TEAD1: variants seen among roughly 807,000 people sequenced by gnomAD.
TEAD1 encodes TEA domain transcription factor 1.
Under a neutral mutation model 54.9 loss-of-function variants are expected in TEAD1, and 9 were observed. That is an observed-to-expected ratio of 0.16 (90% CI 0.10 to 0.29). TEAD1 has a LOEUF of 0.29. Among genes scored for constraint, TEAD1 ranks in the 10% least tolerant of loss-of-function variants. TEAD1 has a pLI of 1.00. For synonymous variants in TEAD1, 200 were observed against 187.8 expected, an observed-to-expected ratio of 1.07 and a Z score of -0.53; for missense variants, 387 against 535.9, an observed-to-expected ratio of 0.72 and a Z score of 2.74.
intron 5 of TEAD1, among the ~76,000 whole-genome samples, chr11:12,870,396 G>A (rs1947719512): frequency 6.6e-6 from 1 of 151,992 alleles, no homozygotes; most frequent in Admixed American, 6.6e-5. Flanking sequence ...AGTGAACCAG[G>A]AGCAGAGAAG....
chr11:12,874,776 T>G (rs918306666), intron 5 of TEAD1, among the ~76,000 whole-genome samples: 7 of 152,166 alleles, frequency 4.6e-5, no homozygotes, highest in African/African-American at 1.7e-4. Flanking sequence ...TAGTTCCTGC[T>G]CCATGAGTGT....
chr11:12,842,007 T>A (rs1274735056), intron 3 of TEAD1, among the ~76,000 whole-genome samples: 1 of 152,202 alleles, frequency 6.6e-6, no homozygotes, highest in East Asian at 1.9e-4. Flanking sequence ...TTTCCTCATG[T>A]GCCGAATTCT....
intron 9 of TEAD1, among the ~76,000 whole-genome samples, chr11:12,884,097 A>G (rs1052422775): frequency 6.6e-6 from 1 of 151,294 alleles, no homozygotes; most frequent in Non-Finnish European, 1.5e-5. Flanking sequence ...TGGCATCTGG[A>G]CTCTATTTGT....
intron 4 of TEAD1, 95 bp from the exon 5 acceptor site, chr11:12,864,743 A>G (rs1220250234): frequency 1.9e-6 from 3 of 1,610,892 alleles, no homozygotes; most frequent in East Asian, 2.2e-5. Flanking sequence ...TCAAGCCGCC[A>G]TTAAGGTACG....
At chr11:12,896,915 T>G (rs1206561997) in intron 9 of TEAD1, among the ~76,000 whole-genome samples, 2 of 152,212 alleles carry the variant, frequency 1.3e-5, no homozygotes, top group African/African-American at 4.8e-5. Context: ...TATTAAAATC[T>G]GTAAAACAGG....
chr11:12,926,967 A>G (rs1452379323), intron 11 of TEAD1, among the ~76,000 whole-genome samples: 1 of 152,194 alleles, frequency 6.6e-6, no homozygotes, highest in Non-Finnish European at 1.5e-5. Context: ...GTGAATAGCT[A>G]AGTTGTCAGG....
At chr11:12,870,935 C>G (rs1210028587) in intron 5 of TEAD1, among the ~76,000 whole-genome samples, 1 of 152,134 alleles carries the variant, frequency 6.6e-6, no homozygotes, top group African/African-American at 2.4e-5. Flanking sequence ...AGAGTACAAA[C>G]TGCAGGCCTA....
At chr11:12,885,330 G>T (rs985904330) in intron 9 of TEAD1, among the ~76,000 whole-genome samples, 4 of 151,458 alleles carry the variant, frequency 2.6e-5, no homozygotes, top group Admixed American at 1.3e-4. Flanking sequence ...CTGCCTCCCG[G>T]GTTCACGCCA....
intron 9 of TEAD1, among the ~76,000 whole-genome samples, chr11:12,889,169 T>C (rs536688616): frequency 6.4e-4 from 98 of 152,324 alleles, no homozygotes; most frequent in Non-Finnish European, 1.1e-3. Context: ...CAGTGTTGCA[T>C]ATCAAAGGAT....
intron 3 of TEAD1, among the ~76,000 whole-genome samples, chr11:12,853,623 A>G (rs1947316754): frequency 6.6e-6 from 1 of 152,260 alleles, no homozygotes; most frequent in African/African-American, 2.4e-5. Flanking sequence ...TAGTTAGAAC[A>G]GAAATAACTT....
At chr11:12,934,242 G>A (rs12223959) in intron 12 of TEAD1, among the ~76,000 whole-genome samples, 24,770 of 151,950 alleles carry the variant, frequency 0.16, 2,293 homozygotes, top group East Asian at 0.4. Flanking sequence ...TTGTAGGGAC[G>A]TGGATGAAGC....
intron 5 of TEAD1, among the ~76,000 whole-genome samples, chr11:12,866,551 G>A (rs369099743): frequency 2.0e-5 from 3 of 151,946 alleles, no homozygotes; most frequent in Admixed American, 6.6e-5. Flanking sequence ...AATACACAGC[G>A]GTATTTATGT....
At chr11:12,692,474 G>T (rs1943479173) in intron 2 of TEAD1, among the ~76,000 whole-genome samples, 1 of 151,942 alleles carries the variant, frequency 6.6e-6, no homozygotes, top group Non-Finnish European at 1.5e-5. Context: ...GGGAAATTTT[G>T]GATACACATT....
At chr11:12,832,194 C>A (rs1157986203) in intron 3 of TEAD1, among the ~76,000 whole-genome samples, 1 of 152,046 alleles carries the variant, frequency 6.6e-6, no homozygotes, top group Admixed American at 6.5e-5. Context: ...AAGCTCTGTT[C>A]ATTTGTATCT....
intron 3 of TEAD1, among the ~76,000 whole-genome samples, chr11:12,794,189 C>T (rs764848711): frequency 5.3e-5 from 8 of 152,182 alleles, no homozygotes; most frequent in Admixed American, 1.3e-4. Flanking sequence ...TACTTATCTC[C>T]GTTTTCTAGA....
chr11:12,908,902 A>G (rs1948570417), intron 10 of TEAD1, among the ~76,000 whole-genome samples: 1 of 54,888 alleles, frequency 1.8e-5, no homozygotes. Context: ...TTTTTGAGAC[A>G]GTGTTGCTCT....
chr11:12,753,545 G>A (rs1379549453), intron 2 of TEAD1, among the ~76,000 whole-genome samples: 4 of 152,006 alleles, frequency 2.6e-5, no homozygotes, highest in Admixed American at 6.5e-5. Flanking sequence ...ATGTTTATGG[G>A]CCATTTGGTT....
intron 9 of TEAD1, among the ~76,000 whole-genome samples, chr11:12,884,286 G>C (rs978917794): frequency 3.3e-5 from 5 of 152,080 alleles, no homozygotes; most frequent in African/African-American, 1.2e-4. Flanking sequence ...GTGTGTGGGT[G>C]AGCCCAAGGC....
intron 3 of TEAD1, among the ~76,000 whole-genome samples, chr11:12,800,584 A>G (rs568572199): frequency 6.6e-6 from 1 of 152,322 alleles, no homozygotes; most frequent in African/African-American, 2.4e-5. Context: ...GTGCTGATTC[A>G]AGGTCAGCTT....
Sources: allele counts gnomAD v4.1 joint callset (sites outside exome capture counted in the v4.1 genomes callset), GRCh38; gene constraint gnomAD v4.1.1; transcripts MANE v1.5; gene names NCBI Gene and HGNC (gene_info 2026-07-23, HGNC 2026-07-21).